UTRN: variants seen among roughly 807,000 people sequenced by gnomAD.
UTRN encodes the protein dystrophin-related protein 1.
In UTRN, 283 loss-of-function variants were observed where a neutral mutation model predicts 463.9. That is an observed-to-expected ratio of 0.61 (90% CI 0.55 to 0.67). UTRN has a LOEUF of 0.67. UTRN is among the 30% of genes least tolerant of loss of function. UTRN has a pLI of 0.00. For synonymous variants in UTRN, 1,442 were observed against 1,431.5 expected, an observed-to-expected ratio of 1.01 and a Z score of -0.17; for missense variants, 3,922 against 4,084.3, an observed-to-expected ratio of 0.96 and a Z score of 1.08.
intron 3 of UTRN, among the ~76,000 whole-genome samples, chr6:144,419,973 G>GAC (rs60093118): frequency 0.77 from 113,994 of 147,890 alleles, 45,493 homozygotes; most frequent in Non-Finnish European, 0.88. Flanking sequence ...CACAGACACA[G>GAC]ACACACACAC....
At position 144,477,869 on chromosome 6, in the gene UTRN, C is replaced by CTTTATCTATCTA. The variant is rs150288402; in HGVS notation, c.3337-1942_3337-1941insTTATCTATCTAT. On this transcript the variant is annotated intron_variant, in intron 25 of 74. Transcript: ENST00000367545. ...GAAGGTGATAATTAGAAGTTTGTATCTCTATCTATCTATCTATCTATCTAT... is the reference window on the plus strand; with the variant it reads ...GAAGGTGATAATTAGAAGTTTGTATCTTTATCTATCTATCTATCTATCTATCTATCTATCTAT... 6.4e-3 allele frequency among the ~76,000 whole-genome samples: 947 copies of CTTTATCTATCTA among 148,876 alleles called. 13 individuals are homozygous for CTTTATCTATCTA. The highest frequency in any genetic ancestry group is 0.019 in the African/African-American group (754 of 39,804).
chr6:144,508,957 T>C (rs1416172220), intron 34 of UTRN, among the ~76,000 whole-genome samples: 1 of 152,178 alleles, frequency 6.6e-6, no homozygotes, highest in East Asian at 1.9e-4. Flanking sequence ...TTTTAGAATG[T>C]TTAGCCATGT....
intron 3 of UTRN, among the ~76,000 whole-genome samples, chr6:144,413,183 C>G (rs6929631): frequency 0.78 from 118,696 of 152,126 alleles, 46,514 homozygotes; most frequent in East Asian, 0.84. Flanking sequence ...GGATGTTTTA[C>G]TCATTGATGG....
chr6:144,489,910 G>A (rs923690432), intron 30 of UTRN, among the ~76,000 whole-genome samples, 161 bp from the exon 31 acceptor site: 3 of 151,978 alleles, frequency 2.0e-5, no homozygotes, highest in East Asian at 1.9e-4. Context: ...ATAAGCCACC[G>A]CACCTGGCCT....
chr6:144,690,095 TTGTGTGTGTGTG>T lies in UTRN; in HGVS notation c.7653-9968_7653-9957del, dbSNP rs1554339292. Among the ~76,000 whole-genome samples, 108 of 33,380 alleles carry T rather than the reference TTGTGTGTGTGTG, an allele frequency of 3.2e-3. 1 individual carries two copies. Among genetic ancestry groups the T allele is most frequent in the Middle Eastern group, 0.028 (1 of 36 alleles). 21.9% of individuals were successfully genotyped at this position (33,380 alleles called of 152,430 possible). A position where few individuals can be genotyped will look rare whatever the true frequency, so the allele number is the denominator to read the frequency against. On this transcript the variant is annotated intron_variant, in intron 52 of 74. Transcript: ENST00000367545. ...TTCTGTTTTTTTTTTTTTTTTTTTT[TTGTGTGTGTGTG>T]TGTGTGTGTGTGTGTGTGTGTGTTA...
chr6:144,445,882 C>T (rs1448047643), intron 14 of UTRN, among the ~76,000 whole-genome samples: 1 of 151,932 alleles, frequency 6.6e-6, no homozygotes, highest in Non-Finnish European at 1.5e-5. Context: ...AAAAAATTAG[C>T]CAGGCCTGCA....
intron 33 of UTRN, among the ~76,000 whole-genome samples, chr6:144,495,885 A>G (rs189242187): frequency 1.3e-5 from 2 of 152,298 alleles, no homozygotes; most frequent in Admixed American, 1.3e-4. Context: ...TTCATGTAGG[A>G]AAAATGGGAA....
intron 2 of UTRN, among the ~76,000 whole-genome samples, chr6:144,334,681 T>C (rs1027287487): frequency 2.6e-5 from 4 of 152,228 alleles, no homozygotes; most frequent in African/African-American, 9.6e-5. Context: ...TATCATTTAC[T>C]TTCATAAACA....
chr6:144,563,620 C>T (rs759219175), intron 50 of UTRN, among the ~76,000 whole-genome samples: 6 of 152,102 alleles, frequency 3.9e-5, no homozygotes, highest in Admixed American at 1.3e-4. Flanking sequence ...TTTATCCTCT[C>T]GGAAGCTTAC....
rs556315182 is a variant in UTRN, at chr6:144,632,053, A to C, written c.7480-46353A>C. Among the ~76,000 whole-genome samples the C allele has an allele frequency of 1.8e-3, 271 of 152,338 alleles. 1 individual carries two copies. Among genetic ancestry groups the C allele is most frequent in the African/African-American group, 6.3e-3 (261 of 41,584 alleles). On this transcript the variant is annotated intron_variant, in intron 51 of 74. Transcript: ENST00000367545. ...AAAATGTAAAGACATTTATTAGAAC[A>C]TGCATATCCGAAAGCTTTCTGAATT...
rs1562832840 is a variant in UTRN, at chr6:144,732,261, C to CATATATATATACATATATATATAT, written c.7939+1776_7939+1777insTATATATATACATATATATATATA. Among the ~76,000 whole-genome samples, 11 of 122,660 alleles carry CATATATATATACATATATATATAT rather than the reference C, an allele frequency of 9.0e-5. 1 individual carries two copies. The highest frequency in any genetic ancestry group is 3.3e-4 in the African/African-American group (10 of 30,434). 80.5% of individuals were successfully genotyped at this position (122,660 alleles called of 152,430 possible). A position where few individuals can be genotyped will look rare whatever the true frequency, so the allele number is the denominator to read the frequency against. On this transcript the variant is annotated intron_variant, in intron 54 of 74. Coordinates refer to ENST00000367545, the MANE Select transcript of UTRN (RefSeq NM_007124.3). ...ATACATATATATATATATATATACA[C>CATATATATATACATATATATATAT]ACATATATATATATATACACACATA...
intron 30 of UTRN, among the ~76,000 whole-genome samples, chr6:144,489,511 T>G (rs1202839001): frequency 6.6e-6 from 1 of 152,172 alleles, no homozygotes; most frequent in Admixed American, 6.5e-5. Context: ...AATTCCTTCC[T>G]TATAAATAAG....
At position 144,577,225 on chromosome 6, in the gene UTRN, C is replaced by T; in HGVS notation, c.7416C>T (p.Ala2472=). The change falls in exon 51 of 75, where the codon GCC becomes GCT. Residue 2472 remains alanine (A), a synonymous_variant. Coordinates refer to ENST00000367545, the MANE Select transcript of UTRN (RefSeq NM_007124.3). Reference sequence around the variant, plus strand: ...CCACAGTGAATGTGCTTGTGGATGCCTCTCATCGGGAGAATGCTCTTCAGG... The same window carrying T: ...CCACAGTGAATGTGCTTGTGGATGCTTCTCATCGGGAGAATGCTCTTCAGG... The part of the protein sequence containing the change: ...AETTVNVLVD[A]SHRENALQDS... 3 of 1,613,962 alleles carry T rather than the reference C, an allele frequency of 1.9e-6. No individual in the cohort carries two copies. The highest frequency in any genetic ancestry group is 2.5e-6 in the Non-Finnish European group (3 of 1,179,908).
chr6:144,342,183 A>G (rs1777186590), intron 2 of UTRN, among the ~76,000 whole-genome samples: 1 of 152,234 alleles, frequency 6.6e-6, no homozygotes, highest in Admixed American at 6.5e-5. Context: ...AAGACAAATA[A>G]TAACAAATAT....
In UTRN at chr6:144,845,020, T is replaced by G. The variant is rs1318022920; in HGVS notation, c.10271-1785T>G. Among the ~76,000 whole-genome samples the G allele has an allele frequency of 2.6e-5, 4 of 152,236 alleles. No homozygotes were observed. The South Asian group carries it at 8.3e-4, about 31-fold the overall frequency. On this transcript the variant is annotated intron_variant, in intron 73 of 74. Transcript: ENST00000367545. ...TGAATTGCCTATTTTAACATGACCGTTTTTTAACTGTGTCTACACATTGTT... is the reference window on the plus strand; with the variant it reads ...TGAATTGCCTATTTTAACATGACCGGTTTTTAACTGTGTCTACACATTGTT...
At chr6:144,418,842 G>C (rs925080079) in intron 3 of UTRN, among the ~76,000 whole-genome samples, 1 of 152,018 alleles carries the variant, frequency 6.6e-6, no homozygotes, top group African/African-American at 2.4e-5. Flanking sequence ...ATGAGCCACC[G>C]TGCCCAGCCA....
chr6:144,676,490 G>A (rs1781602636), intron 51 of UTRN, among the ~76,000 whole-genome samples: 1 of 150,840 alleles, frequency 6.6e-6, no homozygotes, highest in African/African-American at 2.4e-5. Context: ...GTTATTCTAT[G>A]CTTTTGGAAG....
At chr6:144,385,706 ATT>A (rs60221098) in intron 2 of UTRN, among the ~76,000 whole-genome samples, 7,201 of 142,538 alleles carry the variant, frequency 0.051, 616 homozygotes, top group African/African-American at 0.17. Context: ...CCAGAACTCT[ATT>A]TTTTTTTTTT....
At chr6:144,630,524 G>A (rs544766158) in intron 51 of UTRN, among the ~76,000 whole-genome samples, 14 of 152,242 alleles carry the variant, frequency 9.2e-5, no homozygotes, top group Non-Finnish European at 1.5e-4. Context: ...ATCAGATCTC[G>A]TGAGACTTAT....
Sources: gnomAD v4.1 joint callset for allele counts (sites outside exome capture counted in the v4.1 genomes callset) on GRCh38, gnomAD v4.1.1 for gene constraint, MANE v1.5 for transcripts, NCBI Gene and HGNC (gene_info 2026-07-23, HGNC 2026-07-21) for gene names.